Variants in PCDH15 observed in about 807,000 individuals in gnomAD.
PCDH15 encodes the protein protocadherin-15.
PCDH15 carries 129 observed loss-of-function variants against 178.5 expected under a neutral mutation model. That is an observed-to-expected ratio of 0.72 (90% CI 0.63 to 0.84). The LOEUF (loss-of-function observed/expected upper bound fraction) is 0.84. Ranked by LOEUF, PCDH15 falls within the 40% of genes least tolerant of loss-of-function variation. The pLI, the probability that PCDH15 is intolerant of heterozygous loss-of-function variation, is 0.00. For synonymous variants in PCDH15, 800 were observed against 732.0 expected (o/e 1.09, Z -1.50); for missense variants, 2,230 against 2,099.9 (o/e 1.06, Z -1.21).
At chr10:54,775,415 A>T (rs1235991419) in intron 1 of PCDH15, among the ~76,000 whole-genome samples, 5 of 152,222 alleles carry the variant, frequency 3.3e-5, no homozygotes, top group African/African-American at 1.2e-4. Flanking sequence ...GATACACACA[A>T]CGTATAGTAA....
chr10:55,297,499 A>G (rs922927840), intron 1 of PCDH15, among the ~76,000 whole-genome samples: 4 of 152,192 alleles, frequency 2.6e-5, no homozygotes, highest in Non-Finnish European at 5.9e-5. Context: ...AGAGGTAGGA[A>G]ATAAATCTTA....
chr10:54,574,148 T>C (rs1359615169), intron 2 of PCDH15, among the ~76,000 whole-genome samples: 1 of 151,530 alleles, frequency 6.6e-6, no homozygotes, highest in Non-Finnish European at 1.5e-5. Flanking sequence ...CTAGGGTTTT[T>C]ATGGTTTTAG....
chr10:54,132,927 C>A lies in PCDH15; in HGVS notation c.1865G>T (p.Ser622Ile). 3 of 1,613,972 alleles carry A rather than the reference C, an allele frequency of 1.9e-6. No individual in the cohort carries two copies. Among genetic ancestry groups the A allele is most frequent in the Non-Finnish European group, 2.5e-6 (3 of 1,179,978 alleles). The change falls in exon 15 of 38, where the codon AGC becomes ATC. Residue 622 changes from serine to isoleucine, a missense_variant. Ser to Ile is a moderately radical substitution (Grantham distance 142). Transcript: ENST00000644397. Reference sequence around the variant, plus strand: ...CCTCATGGCTTCACTAATTTCAAGGCTATACATCAGCTGTGGGAAGCGAGG... The same window carrying A: ...CCTCATGGCTTCACTAATTTCAAGGATATACATCAGCTGTGGGAAGCGAGG... ...SPPRFPQLMY[S>I]LEISEAMRVG...
chr10:54,663,072 A>G (rs1264888681), intron 2 of PCDH15, among the ~76,000 whole-genome samples: 5 of 151,956 alleles, frequency 3.3e-5, no homozygotes, highest in Admixed American at 6.6e-5. Flanking sequence ...GGAATATACT[A>G]TTGTGAATTA....
At chr10:55,329,248 G>T (rs1844129699) in intron 2 of PCDH15, among the ~76,000 whole-genome samples, 1 of 151,026 alleles carries the variant, frequency 6.6e-6, no homozygotes, top group African/African-American at 2.4e-5. Context: ...TGCTTTATTT[G>T]CCATTTTCAC....
intron 3 of PCDH15, among the ~76,000 whole-genome samples, chr10:54,389,139 A>T (rs935652172): frequency 5.2e-5 from 2 of 38,682 alleles, no homozygotes; most frequent in Non-Finnish European, 1.4e-4. Flanking sequence ...TCCCTAATCT[A>T]CAGAGGAAAA....
chr10:55,084,009 A>G (rs1842103816), intron 2 of PCDH15, among the ~76,000 whole-genome samples: 2 of 151,876 alleles, frequency 1.3e-5, no homozygotes, highest in African/African-American at 4.8e-5. Context: ...ACCCAAAGCA[A>G]TATAAGATAA....
At chr10:54,139,946 GACAAA>G (rs368628207) in intron 14 of PCDH15, among the ~76,000 whole-genome samples, 69 of 152,100 alleles carry the variant, frequency 4.5e-4, no homozygotes, top group African/African-American at 1.6e-3. Context: ...GAAAATCTAA[GACAAA>G]ACAAAAGTCC....
chr10:53,941,347 T>C (rs1373122022), intron 23 of PCDH15, among the ~76,000 whole-genome samples: 1 of 152,142 alleles, frequency 6.6e-6, no homozygotes, highest in Non-Finnish European at 1.5e-5. Context: ...CAACTCAACC[T>C]CTGGCAACCA....
intron 1 of PCDH15, among the ~76,000 whole-genome samples, chr10:55,244,899 T>A (rs372018902): frequency 6.6e-6 from 1 of 151,950 alleles, no homozygotes; most frequent in East Asian, 1.9e-4. Context: ...TTGCTGTAGA[T>A]TAACATCCTT....
intron 2 of PCDH15, among the ~76,000 whole-genome samples, chr10:55,508,755 A>G (rs961349682): frequency 1.3e-5 from 2 of 151,718 alleles, no homozygotes; most frequent in African/African-American, 4.8e-5. Context: ...TAGGTACTGC[A>G]CTATACTGTA....
intron 1 of PCDH15, among the ~76,000 whole-genome samples, chr10:54,799,482 T>C (rs181938006): frequency 6.6e-6 from 1 of 152,320 alleles, no homozygotes; most frequent in East Asian, 1.9e-4. Context: ...TTAAATCTTT[T>C]TGTGAATAAT....
chr10:54,214,786 T>A (rs190836318), intron 9 of PCDH15, among the ~76,000 whole-genome samples: 4 of 152,232 alleles, frequency 2.6e-5, no homozygotes, highest in African/African-American at 7.2e-5. Flanking sequence ...AGAAAGGGAT[T>A]TGCCATGTTG....
At chr10:54,651,421 T>C (rs1004433397) in intron 2 of PCDH15, among the ~76,000 whole-genome samples, 1 of 152,124 alleles carries the variant, frequency 6.6e-6, no homozygotes, top group African/African-American at 2.4e-5. Context: ...AAAGTACTGT[T>C]TTAGGAAATA....
At chr10:53,964,468 T>A (rs2088766597) in intron 21 of PCDH15, among the ~76,000 whole-genome samples, 1 of 146,754 alleles carries the variant, frequency 6.8e-6, no homozygotes, top group Non-Finnish European at 1.5e-5. Flanking sequence ...ATAAAATTTT[T>A]ATAAATTTAT....
intron 3 of PCDH15, among the ~76,000 whole-genome samples, chr10:54,895,188 C>A (rs981300424): frequency 6.6e-6 from 1 of 152,088 alleles, no homozygotes; most frequent in African/African-American, 2.4e-5. Context: ...TGGCACATAC[C>A]AATCATTTGG....
chr10:54,449,461 A>C (rs560521991), intron 3 of PCDH15, among the ~76,000 whole-genome samples: 2 of 151,722 alleles, frequency 1.3e-5, no homozygotes, highest in African/African-American at 4.8e-5. Context: ...AACCTTCTCT[A>C]TCCATGAGTT....
chr10:54,267,894 CA>C (rs748286837), intron 8 of PCDH15, among the ~76,000 whole-genome samples: 1 of 151,678 alleles, frequency 6.6e-6, no homozygotes, highest in African/African-American at 2.4e-5. Flanking sequence ...ATGAAACTGC[CA>C]AAATCATTTT....
In PCDH15 at chr10:53,995,711, C is replaced by T. The variant is rs2091804039; in HGVS notation, c.2806G>A (p.Ala936Thr). 6.2e-7 allele frequency: 1 copy of T among 1,613,862 alleles called. No homozygotes were observed. Among genetic ancestry groups the T allele is most frequent in the Non-Finnish European group, 8.5e-7 (1 of 1,179,796 alleles). The part of the protein sequence containing the change: ...FSKRIYKGMV[A>T]PDAVKGTPIT... ...GGTGTACCCTTGACTGCATCCGGAG[C>T]CACCATCCCTTTGTATATTCGTTTA... The change falls in exon 21 of 38, where the codon GCT becomes ACT. Residue 936 changes from alanine to threonine, a missense_variant. Physicochemically the swap from Ala to Thr is moderately conservative, Grantham distance 58. Coordinates refer to ENST00000644397, the MANE Select transcript of PCDH15 (RefSeq NM_001384140.1).
Sources: allele counts gnomAD v4.1 joint callset (sites outside exome capture counted in the v4.1 genomes callset), GRCh38; gene constraint gnomAD v4.1.1; transcripts MANE v1.5; gene names NCBI Gene and HGNC (gene_info 2026-07-23, HGNC 2026-07-21).